The following RNF31 variants were observed in gnomAD, a reference collection of about 807,000 sequenced individuals.
The protein encoded by RNF31 is E3 ubiquitin-protein ligase RNF31.
In RNF31, 38 loss-of-function variants were observed where a neutral mutation model predicts 133.6. The observed-to-expected ratio is 0.28, with a 90% confidence interval of 0.22 to 0.37. RNF31 has a LOEUF of 0.37. RNF31 is among the 10% of genes least tolerant of loss of function. The probability of loss-of-function intolerance (pLI) is 1.00; values close to 1 mark genes in which losing one functional copy is unlikely to be tolerated. For missense variants in RNF31, 1,118 were observed against 1,394.1 expected (o/e 0.80, Z 3.15); for synonymous variants, 582 against 552.3 (o/e 1.05, Z -0.75).
chr14:24,147,667 G>A lies in RNF31; in HGVS notation c.-32G>A, dbSNP rs771385401. ...CGCTGCCCGCGCCGGGTCCTGGCGG[G>A]CGGCGAGGCTGGGGCTGACTCCTGC... is the stretch of plus-strand genomic sequence containing the variant. On this transcript the variant is annotated 5_prime_UTR_variant, in exon 1 of 21. Coordinates refer to ENST00000324103, the MANE Select transcript of RNF31 (RefSeq NM_017999.5). 7.2e-7 allele frequency: 1 copy of A among 1,381,460 alleles called. No homozygotes were observed. The highest frequency in any genetic ancestry group is 9.3e-7 in the Non-Finnish European group (1 of 1,075,312). 85.6% of individuals were successfully genotyped at this position (1,381,460 alleles called of 1,614,324 possible). A position where few individuals can be genotyped will look rare whatever the true frequency, so the allele number is the denominator to read the frequency against.
At position 24,151,592 on chromosome 14, in the gene RNF31, A is replaced by G. The variant is rs1421183126; in HGVS notation, c.1845A>G (p.Gln615=). 2.5e-6 allele frequency: 4 copies of G among 1,613,924 alleles called. No individual in the cohort carries two copies. Among genetic ancestry groups the G allele is most frequent in the Admixed American group, 1.7e-5 (1 of 60,002 alleles). The change falls in exon 10 of 21, where the codon CAA becomes CAG. Residue 615 remains glutamine, a synonymous_variant. Coordinates refer to ENST00000324103, the MANE Select transcript of RNF31 (RefSeq NM_017999.5). This position sits in a 1 kb window ranked among gnomAD's most constrained non-coding sequence, Gnocchi z 5.3. ...VSRALTELQR[Q]RLEPFRQRLW... ...GGGCCCTGACTGAGCTACAGCGCCA[A>G]CGCCTAGAGCCCTTCCGCCAGCGCC...
chr14:24,149,355 G>T (rs1566612710), intron 5 of RNF31, 51 bp from the exon 6 acceptor site: 1 of 1,569,596 alleles, frequency 6.4e-7, no homozygotes, highest in Non-Finnish European at 8.7e-7. Flanking sequence ...AGCAGATTCA[G>T]ATGTAGCCTG....
At chr14:24,159,584 C>CAAAAAAAAAAAAAAAAAAA (rs59295225) in intron 18 of RNF31, among the ~76,000 whole-genome samples, 6 of 82,172 alleles carry the variant, frequency 7.3e-5, no homozygotes, top group Admixed American at 1.3e-4. Context: ...AAATAACAAC[C>CAAAAAAAAAAAAAAAAAAA]AAAAAAAAAA....
chr14:24,155,693 G>A lies in RNF31; in HGVS notation c.2493+1G>A. On this transcript the variant is annotated splice_donor_variant, in intron 14 of 20. Coordinates refer to ENST00000324103, the MANE Select transcript of RNF31 (RefSeq NM_017999.5). LOFTEE classifies it high-confidence loss of function. The surrounding 1 kb of genome is among the most constrained non-coding windows in gnomAD (Gnocchi z 4.9). ...CTTCTGTGTGCGCTGCAAGCGCCAG[G>A]TGAGGCACATTCATCCTTTCAGAAA... is the stretch of plus-strand genomic sequence containing the variant. 6.2e-7 allele frequency: 1 copy of A among 1,612,772 alleles called. No homozygotes were observed. Among genetic ancestry groups the A allele is most frequent in the Non-Finnish European group, 8.5e-7 (1 of 1,178,806 alleles).
In RNF31 at chr14:24,152,078, G is replaced by A. The variant is rs1243267813; in HGVS notation, c.2130+86G>A. 2.9e-6 allele frequency: 4 copies of A among 1,372,458 alleles called. No homozygotes were observed. The African/African-American group carries it at 4.3e-5, about 15-fold the overall frequency. The allele number at this position is 1,372,458 out of a possible 1,614,324, so 85.0% of individuals were successfully genotyped here. ...TACCCCAGTCTCCATCTCTGATCCTGTCTTCTGCTCTTCAGTTGCCCATAT... is the reference window on the plus strand; with the variant it reads ...TACCCCAGTCTCCATCTCTGATCCTATCTTCTGCTCTTCAGTTGCCCATAT... On this transcript the variant is annotated intron_variant, in intron 11 of 20. Transcript: ENST00000324103.
chr14:24,148,923 G>A (rs1432917407), intron 5 of RNF31, 47 bp downstream of exon 5: 2 of 1,449,242 alleles, frequency 1.4e-6, no homozygotes, highest in Non-Finnish European at 9.7e-7. Flanking sequence ...CTATATTGAT[G>A]GAAATTTGGG....
Position 24,155,348 on chromosome 14 carries a change from G to C in RNF31, c.2304+18G>C. On this transcript the variant is annotated intron_variant, in intron 12 of 20. Coordinates refer to ENST00000324103, the MANE Select transcript of RNF31 (RefSeq NM_017999.5). This position sits in a 1 kb window ranked among gnomAD's most constrained non-coding sequence, Gnocchi z 4.9. Reference sequence around the variant, plus strand: ...ACATCCAGGTACTGCAGCCCCTCTAGGACTCAGGTACCCTGAGCTTTGAAC... The same window carrying C: ...ACATCCAGGTACTGCAGCCCCTCTACGACTCAGGTACCCTGAGCTTTGAAC... The C allele has an allele frequency of 6.2e-7, 1 of 1,614,068 alleles. No individual in the cohort carries two copies. The highest frequency in any genetic ancestry group is 8.5e-7 in the Non-Finnish European group (1 of 1,179,984).
chr14:24,152,361 CATAAT>C (rs1262233781), intron 11 of RNF31, among the ~76,000 whole-genome samples: 9 of 152,174 alleles, frequency 5.9e-5, no homozygotes, highest in African/African-American at 2.2e-4. Flanking sequence ...AAATATCAGG[CATAAT>C]ATAGTTTATA....
chr14:24,159,871 C>T lies in RNF31; in HGVS notation c.2907C>T (p.Cys969=), dbSNP rs1566618301. 3 of 1,613,886 alleles carry T rather than the reference C, an allele frequency of 1.9e-6. No homozygotes were observed. The highest frequency in any genetic ancestry group is 2.5e-6 in the Non-Finnish European group (3 of 1,179,824). The change falls in exon 19 of 21, where the codon TGC becomes TGT. Residue 969 remains cysteine, a synonymous_variant. Transcript: ENST00000324103. Reference sequence around the variant, plus strand: ...TTCTTCCCTCACCTTTAGGCGGCTGCCGAGTGATAGAGCAGAAGGAGGTTC... The same window carrying T: ...TTCTTCCCTCACCTTTAGGCGGCTGTCGAGTGATAGAGCAGAAGGAGGTTC... ...AGARAVPGGG[C]RVIEQKEVPN... is the part of the protein sequence containing the mutation.
In RNF31 at chr14:24,151,582, T is replaced by A; in HGVS notation, c.1835T>A (p.Leu612Gln). 8 of 1,614,096 alleles carry A rather than the reference T, an allele frequency of 5.0e-6. No individual in the cohort carries two copies. Among genetic ancestry groups the A allele is most frequent in the Non-Finnish European group, 5.9e-6 (7 of 1,180,004 alleles). The change falls in exon 10 of 21, where the codon CTA becomes CAA. Residue 612 changes from leucine (L) to glutamine (Q), a missense_variant. Physicochemically the swap from Leu to Gln is moderately radical, Grantham distance 113. Coordinates refer to ENST00000324103, the MANE Select transcript of RNF31 (RefSeq NM_017999.5). This position sits in a 1 kb window ranked among gnomAD's most constrained non-coding sequence, Gnocchi z 5.3. Reference protein sequence around the residue: ...GGDVSRALTELQRQRLEPFRQ... With the variant: ...GGDVSRALTEQQRQRLEPFRQ... Reference sequence around the variant, plus strand: ...GATGTGTCACGGGCCCTGACTGAGCTACAGCGCCAACGCCTAGAGCCCTTC... The same window carrying A: ...GATGTGTCACGGGCCCTGACTGAGCAACAGCGCCAACGCCTAGAGCCCTTC...
intron 4 of RNF31, 41 bp downstream of exon 4, chr14:24,148,742 G>A (rs754016439): frequency 1.9e-5 from 30 of 1,613,466 alleles, no homozygotes; most frequent in Non-Finnish European, 2.5e-5. Context: ...AAAGGAAACA[G>A]GAATTGTGAG....
intron 11 of RNF31, among the ~76,000 whole-genome samples, chr14:24,152,832 A>G (rs559042455): frequency 6.6e-6 from 1 of 152,280 alleles, no homozygotes. Context: ...CTCTAATGCC[A>G]GCACTTTGGG....
chr14:24,147,706 G>C lies in RNF31; in HGVS notation c.8G>C (p.Gly3Ala). The C allele has an allele frequency of 6.6e-7, 1 of 1,518,578 alleles. No individual in the cohort carries two copies. The highest frequency in any genetic ancestry group is 8.8e-7 in the Non-Finnish European group (1 of 1,139,080). The allele number at this position is 1,518,578 out of a possible 1,614,324, so 94.1% of individuals were successfully genotyped here. The part of the protein sequence containing the change: MP[G>A]EEEERAFLVA... ...GCTGACTCCTGCCTCAGGATGCCGG[G>C]GGAGGAAGAGGAGCGGGCCTTCCTG... The change falls in exon 1 of 21, where the codon GGG (glycine) becomes GCG (alanine). Residue 3 changes from glycine to alanine, a missense_variant. Around this residue, in one of 3 missense-constraint regions of RNF31, gnomAD observed 747 missense variants for 827.9 expected, o/e 0.90. Coordinates refer to ENST00000324103, the MANE Select transcript of RNF31 (RefSeq NM_017999.5).
At chr14:24,146,910 A>G (rs1404061966), upstream of RNF31, 4 of 450,816 alleles carry the variant, frequency 8.9e-6, no homozygotes, top group South Asian at 2.4e-5. Flanking sequence ...GGGTTGGGGT[A>G]AGAGAGGTGG....
chr14:24,151,111 T>C lies in RNF31; in HGVS notation c.1489-20T>C. On this transcript the variant is annotated intron_variant, in intron 8 of 20. Coordinates refer to ENST00000324103, the MANE Select transcript of RNF31 (RefSeq NM_017999.5). This position sits in a 1 kb window ranked among gnomAD's most constrained non-coding sequence, Gnocchi z 5.3. ...GGTGGGTGAAGGGTGCCCCTCCTGA[T>C]GGGCGGGACTGTGCCTTAGGAAGGG... 2 of 1,610,822 alleles carry C rather than the reference T, an allele frequency of 1.2e-6. No individual in the cohort carries two copies. Among genetic ancestry groups the C allele is most frequent in the South Asian group, 2.2e-5 (2 of 90,988 alleles).
At chr14:24,152,933 T>C (rs1463404560) in intron 11 of RNF31, among the ~76,000 whole-genome samples, 1 of 151,686 alleles carries the variant, frequency 6.6e-6, no homozygotes, top group African/African-American at 2.4e-5. Flanking sequence ...TGTAAAAAAT[T>C]AGCCAGGTGT....
rs1195384316 is a variant in RNF31, at chr14:24,150,216, C to T, written c.965C>T (p.Ala322Val). ...GAGCCTTGGGCAGTGCTCTGTGTGG[C>T]CTGTGATCGGCCCCGAGGCTGTAAG... The part of the protein sequence containing the change: ...LNEPWAVLCV[A>V]CDRPRGCKGL... The change falls in exon 7 of 21, where the codon GCC becomes GTC. Residue 322 changes from alanine to valine, a missense_variant. By Grantham distance (64) the Ala-to-Val change is moderately conservative. This residue lies in a region of RNF31 where 747 missense variants were observed against 827.9 expected (regional missense o/e 0.90). Coordinates refer to ENST00000324103, the MANE Select transcript of RNF31 (RefSeq NM_017999.5). 2.5e-6 allele frequency: 4 copies of T among 1,614,080 alleles called. No individual in the cohort carries two copies. The highest frequency in any genetic ancestry group is 3.4e-6 in the Non-Finnish European group (4 of 1,180,040).
At position 24,147,747 on chromosome 14, in the gene RNF31, C is replaced by A; in HGVS notation, c.49C>A (p.Leu17Met). Residue 17 changes from leucine (L) to methionine (M), a missense_variant, in exon 1 of 21, where the codon CTG becomes ATG. Leu to Met is a conservative substitution (Grantham distance 15). This residue lies in a region of RNF31 where 747 missense variants were observed against 827.9 expected (regional missense o/e 0.90). Transcript: ENST00000324103. ...ERAFLVAREE[L>M]ASALRRDSGQ... ...GGCCTTCCTGGTGGCCCGCGAGGAG[C>A]TGGCGAGCGCCCTGAGGAGGGATTC... 7 of 1,562,574 alleles carry A rather than the reference C, an allele frequency of 4.5e-6. No homozygotes were observed. Among genetic ancestry groups the A allele is most frequent in the Non-Finnish European group, 5.2e-6 (6 of 1,158,460 alleles).
intron 17 of RNF31, 61 bp downstream of exon 17, chr14:24,158,072 C>T (rs2038373340): frequency 6.2e-7 from 1 of 1,611,312 alleles, no homozygotes; most frequent in Non-Finnish European, 8.5e-7. Context: ...GGAAAAGGCT[C>T]CGTGCTAGGA....
Sources: gnomAD v4.1 joint callset for allele counts (sites outside exome capture counted in the v4.1 genomes callset) on GRCh38, gnomAD v4.1.1 for gene constraint, gnomAD v4.1.1 regional missense constraint, Gnocchi (gnomAD v3.1) non-coding constraint, MANE v1.5 for transcripts, NCBI Gene and HGNC (gene_info 2026-07-23, HGNC 2026-07-21) for gene names.